THSD4: variants seen among roughly 807,000 people sequenced by gnomAD.
THSD4 encodes the protein thrombospondin type 1 domain containing 4, also known as thrombospondin type-1 domain-containing protein 4.
THSD4 carries 69 observed loss-of-function variants against 119.0 expected under a neutral mutation model. That is an observed-to-expected ratio of 0.58 (90% CI 0.48 to 0.71). The LOEUF is 0.71. Ranked by LOEUF, THSD4 falls within the 30% of genes least tolerant of loss-of-function variation. The pLI is 0.00. For missense variants in THSD4, 1,393 were observed against 1,391.1 expected (o/e 1.00, Z -0.02); for synonymous variants, 524 against 540.4 (o/e 0.97, Z 0.42).
intron 7 of THSD4, among the ~76,000 whole-genome samples, chr15:71,489,915 C>T (rs2047886997): frequency 6.6e-6 from 1 of 152,016 alleles, no homozygotes; most frequent in Non-Finnish European, 1.5e-5. Flanking sequence ...TTAAAACCAC[C>T]ATCACTGTTA....
rs2043345087 is a variant in THSD4 at position 71,170,350 on chromosome 15, G to A, written c.99+15418G>A. ...AGGTTGAGGAAAGAATCATCCAAGA[G>A]AATGAAAAAGAACAGTGCCCAGCAT... On this transcript the variant is annotated intron_variant, in intron 3 of 17. Transcript: ENST00000261862. Among the ~76,000 whole-genome samples, 4 of 152,102 alleles carry A rather than the reference G, an allele frequency of 2.6e-5. No individual in the cohort carries two copies. In the South Asian group the frequency reaches 6.2e-4, roughly 24 times the overall value.
intron 8 of THSD4, among the ~76,000 whole-genome samples, chr15:71,688,705 CTCTGTGTGTG>C (rs1401688914): frequency 5.8e-5 from 5 of 86,086 alleles, no homozygotes; most frequent in African/African-American, 8.1e-5. Flanking sequence ...TGTTTTGTAT[CTCTGTGTGTG>C]TGTGTGTGTG....
chr15:71,460,415 A>G (rs547055418), intron 7 of THSD4, among the ~76,000 whole-genome samples: 1 of 151,580 alleles, frequency 6.6e-6, no homozygotes, highest in East Asian at 1.9e-4. Context: ...GTCCTCCCCA[A>G]ATTAATGGAT....
At chr15:71,683,302 G>GA (rs564030368) in intron 8 of THSD4, among the ~76,000 whole-genome samples, 19 of 148,102 alleles carry the variant, frequency 1.3e-4, no homozygotes, top group Admixed American at 2.7e-4. Context: ...CATATGTAAG[G>GA]AAAAAAAAAA....
intron 8 of THSD4, among the ~76,000 whole-genome samples, chr15:71,673,373 C>T (rs1182266324): frequency 6.6e-6 from 1 of 152,088 alleles, no homozygotes; most frequent in Non-Finnish European, 1.5e-5. Context: ...TTTGATTCTT[C>T]TCTCTTTTCT....
intron 7 of THSD4, among the ~76,000 whole-genome samples, chr15:71,560,572 A>G (rs1266753551): frequency 1.3e-5 from 2 of 152,358 alleles, no homozygotes; most frequent in East Asian, 1.9e-4. Flanking sequence ...TATTAGAGGA[A>G]TGCATTCCAA....
intron 7 of THSD4, among the ~76,000 whole-genome samples, chr15:71,615,809 T>C (rs768466630): frequency 6.6e-6 from 1 of 152,150 alleles, no homozygotes; most frequent in African/African-American, 2.4e-5. Context: ...TAAGATGAAG[T>C]TGGGCTTCCC....
At chr15:71,661,659 G>C (rs1317242461) in intron 8 of THSD4, among the ~76,000 whole-genome samples, 1 of 152,140 alleles carries the variant, frequency 6.6e-6, no homozygotes. Context: ...ACCTCCCAAA[G>C]TGCTGAGATT....
chr15:71,550,788 C>T (rs2140858481), intron 7 of THSD4, among the ~76,000 whole-genome samples: 1 of 152,286 alleles, frequency 6.6e-6, no homozygotes, highest in Non-Finnish European at 1.5e-5. Flanking sequence ...AATATCTTAG[C>T]TGCTGATGGG....
chr15:71,464,102 C>T (rs1198642780), intron 7 of THSD4, among the ~76,000 whole-genome samples: 1 of 152,218 alleles, frequency 6.6e-6, no homozygotes, highest in African/African-American at 2.4e-5. Flanking sequence ...ATTAGGACCT[C>T]TGACTTAGCC....
intron 7 of THSD4, among the ~76,000 whole-genome samples, chr15:71,583,446 A>G (rs1595903433): frequency 7.2e-6 from 1 of 139,472 alleles, no homozygotes; most frequent in Non-Finnish European, 1.6e-5. Flanking sequence ...CCTTCTGTGA[A>G]TTTTGGGCTT....
At chr15:71,581,665 A>G (rs765757065) in intron 7 of THSD4, among the ~76,000 whole-genome samples, 4 of 152,108 alleles carry the variant, frequency 2.6e-5, no homozygotes, top group Non-Finnish European at 5.9e-5. Context: ...ATCTTACACA[A>G]TTCAGTCTTT....
intron 3 of THSD4, among the ~76,000 whole-genome samples, chr15:71,189,596 G>C: frequency 6.6e-6 from 1 of 152,084 alleles, no homozygotes; most frequent in East Asian, 1.9e-4. Context: ...CGTGAACCCG[G>C]GAGGTGGAGC....
intron 7 of THSD4, among the ~76,000 whole-genome samples, chr15:71,442,660 G>GTGTGTGTATGTATGTATATA: frequency 1.2e-3 from 32 of 25,768 alleles, no homozygotes; most frequent in Admixed American, 2.6e-3. Context: ...GTGTGTGTGT[G>GTGTGTGTATGTATGTATATA]TATATATATA....
intron 13 of THSD4, among the ~76,000 whole-genome samples, chr15:71,747,262 G>T (rs2053358456): frequency 6.6e-6 from 1 of 152,178 alleles, no homozygotes; most frequent in East Asian, 1.9e-4. Context: ...TTATGAGTGA[G>T]CCCAGGGGGA....
intron 3 of THSD4, among the ~76,000 whole-genome samples, chr15:71,193,877 AT>A (rs1277832887): frequency 4.0e-5 from 6 of 151,808 alleles, no homozygotes; most frequent in Non-Finnish European, 2.9e-5. Context: ...CGCCCAGCTA[AT>A]TTTTTTGTAT....
At chr15:71,623,644 C>T (rs1030281882) in intron 7 of THSD4, among the ~76,000 whole-genome samples, 3 of 152,036 alleles carry the variant, frequency 2.0e-5, no homozygotes, top group African/African-American at 7.2e-5. Flanking sequence ...GAGAATCGGC[C>T]GGAAGCAGTG....
chr15:71,407,207 A>G (rs1277682684), intron 6 of THSD4, among the ~76,000 whole-genome samples: 1 of 152,150 alleles, frequency 6.6e-6, no homozygotes, highest in African/African-American at 2.4e-5. Context: ...ACCTCTAACT[A>G]CTTCTTACAA....
intron 8 of THSD4, among the ~76,000 whole-genome samples, chr15:71,660,965 A>G (rs1050439502): frequency 1.3e-5 from 2 of 152,200 alleles, no homozygotes; most frequent in East Asian, 3.9e-4. Context: ...ATACATTTAA[A>G]CCAGCCTTTG....
Sources: allele counts gnomAD v4.1 joint callset (sites outside exome capture counted in the v4.1 genomes callset), GRCh38; gene constraint gnomAD v4.1.1; transcripts MANE v1.5; gene names NCBI Gene and HGNC (gene_info 2026-07-23, HGNC 2026-07-21).